Variants in BBS2 observed in about 807,000 individuals in gnomAD.
BBS2 encodes BBSome complex member BBS2.
Under a neutral mutation model 83.0 loss-of-function variants are expected in BBS2, and 62 were observed. The ratio of observed to expected loss-of-function variants is 0.75; its 90% CI spans 0.61 to 0.92. The LOEUF is 0.92. Ranked by LOEUF, BBS2 falls within the 40% of genes least tolerant of loss-of-function variation. The pLI is 0.00. For missense variants in BBS2, 784 were observed against 901.0 expected (o/e 0.87, Z 1.66); for synonymous variants, 303 against 326.1 (o/e 0.93, Z 0.76).
At chr16:56,486,745 ATTCT>A (rs1415368040) in intron 15 of BBS2, among the ~76,000 whole-genome samples, 1 of 134,534 alleles carries the variant, frequency 7.4e-6, no homozygotes, top group Non-Finnish European at 1.6e-5. Flanking sequence ...TGACAGAAAT[ATTCT>A]TTTTTTTTTT....
At chr16:56,474,798 A>G in intron 17 of BBS2, 1 of 1,584,616 alleles carries the variant, frequency 6.3e-7, no homozygotes, top group African/African-American at 1.4e-5. Flanking sequence ...GTTATTTTTT[A>G]AAGTTTCTCA....
intron 17 of BBS2, among the ~76,000 whole-genome samples, chr16:56,473,879 T>C (rs1445701006): frequency 2.6e-5 from 4 of 152,118 alleles, no homozygotes; most frequent in African/African-American, 9.7e-5. Flanking sequence ...TGATCTCAGC[T>C]CACTGCAACC....
At chr16:56,491,381 G>A (rs1053030822) in intron 15 of BBS2, among the ~76,000 whole-genome samples, 3 of 152,080 alleles carry the variant, frequency 2.0e-5, no homozygotes, top group Non-Finnish European at 2.9e-5. Flanking sequence ...TATAAAGTTA[G>A]GGCACCCCTC....
chr16:56,517,960 T>C (rs1306998221), intron 1 of BBS2, among the ~76,000 whole-genome samples: 1 of 151,912 alleles, frequency 6.6e-6, no homozygotes, highest in African/African-American at 2.4e-5. Flanking sequence ...GCTAGTATTA[T>C]AGGCACCTAC....
intron 7 of BBS2, among the ~76,000 whole-genome samples, chr16:56,504,125 A>G (rs1466941284): frequency 2.0e-5 from 3 of 152,204 alleles, no homozygotes; most frequent in Non-Finnish European, 4.4e-5. Context: ...TGTCTACAGT[A>G]TATCACTGTC....
chr16:56,479,790 C>T (rs1343144574), downstream of BBS2, among the ~76,000 whole-genome samples: 1 of 152,262 alleles, frequency 6.6e-6, no homozygotes, highest in African/African-American at 2.4e-5. Context: ...GCTCCACCTT[C>T]CCCTGGATGG....
At chr16:56,492,388 C>CA (rs1322660721) in intron 15 of BBS2, among the ~76,000 whole-genome samples, 1 of 152,128 alleles carries the variant, frequency 6.6e-6, no homozygotes, top group Admixed American at 6.5e-5. Flanking sequence ...GAGGATGTTA[C>CA]ACTGAGTGAA....
At chr16:56,491,725 CAA>C (rs773397021) in intron 15 of BBS2, among the ~76,000 whole-genome samples, 20 of 43,206 alleles carry the variant, frequency 4.6e-4, no homozygotes, top group East Asian at 3.2e-3. Context: ...AACTCAACAG[CAA>C]AAAAAAAAAA....
chr16:56,494,324 C>T (rs1056001035), intron 15 of BBS2, among the ~76,000 whole-genome samples: 29 of 151,670 alleles, frequency 1.9e-4, no homozygotes, highest in African/African-American at 7.0e-4. Context: ...ATCGAAGAGC[C>T]TATATTCATA....
At position 56,498,466 on chromosome 16, in the gene BBS2, G is replaced by C. The variant is rs1261284323; in HGVS notation, c.1630C>G (p.Leu544Val). 1 of 1,613,834 alleles carries C rather than the reference G, an allele frequency of 6.2e-7. No individual in the cohort carries two copies. Among genetic ancestry groups the C allele is most frequent in the Non-Finnish European group, 8.5e-7 (1 of 1,179,992 alleles). ...CCACTAAGTTTTATTTTTATATGCA[G>C]GTGGCCGCCATTCCGTAAAGATGTG... The part of the protein sequence containing the change: ...CFTSLRNGGH[L>V]HIKIKLSGEI... The change falls in exon 13 of 17, where the codon CTG (leucine) becomes GTG (valine). Residue 544 changes from leucine (L) to valine (V), a missense_variant. Leu to Val is a conservative substitution (Grantham distance 32). Coordinates refer to ENST00000245157, the MANE Select transcript of BBS2 (RefSeq NM_031885.5).
intron 15 of BBS2, among the ~76,000 whole-genome samples, chr16:56,491,719 C>A: frequency 3.5e-5 from 3 of 84,776 alleles, no homozygotes; most frequent in African/African-American, 4.6e-5. Context: ...TCCTACAACT[C>A]AACAGCAAAA....
chr16:56,502,209 G>T, intron 9 of BBS2, 108 bp downstream of exon 9: 1 of 1,471,478 alleles, frequency 6.8e-7, no homozygotes, highest in Non-Finnish European at 9.5e-7. Context: ...ATGGCAAAAA[G>T]GCCACACCCT....
intron 17 of BBS2, among the ~76,000 whole-genome samples, chr16:56,474,522 G>C (rs180987262): frequency 6.6e-6 from 1 of 151,294 alleles, no homozygotes; most frequent in African/African-American, 2.4e-5. Flanking sequence ...GTTTCTCCAT[G>C]TTGGTCAGGC....
rs1963255465 is a variant in BBS2, at chr16:56,472,737, AT to A, written c.*1-2043del. Among the ~76,000 whole-genome samples, 4 of 152,354 alleles carry A rather than the reference AT, an allele frequency of 2.6e-5. No homozygotes were observed. The South Asian group carries it at 8.3e-4, about 32-fold the overall frequency. On this transcript the variant is annotated intron_variant, in intron 17 of 17. Transcript: ENST00000682047. Reference sequence around the variant, plus strand: ...TATGTAGACATATACATGTATACACATATGGGGGGTATATTTTTACACATCT... The same window carrying A: ...TATGTAGACATATACATGTATACACAATGGGGGGTATATTTTTACACATCT...
At chr16:56,492,446 C>T (rs965599792) in intron 15 of BBS2, among the ~76,000 whole-genome samples, 3 of 152,030 alleles carry the variant, frequency 2.0e-5, no homozygotes, top group Admixed American at 2.0e-4. Context: ...CATGGAGTAT[C>T]TAAAATAGTC....
chr16:56,514,680 C>A lies in BBS2; in HGVS notation c.118G>T (p.Val40Phe), dbSNP rs886043059. The change falls in exon 2 of 17, where the codon GTT (valine) becomes TTT (phenylalanine). Residue 40 changes from valine to phenylalanine, a missense_variant and splice_region_variant. Physicochemically the swap from Val to Phe is conservative, Grantham distance 50. Coordinates refer to ENST00000245157, the MANE Select transcript of BBS2 (RefSeq NM_031885.5). ...CGTGTATGAGGATTATGAATAAAAA[C>A]CTGAAACAAAAATAACTAATTACAT... ...CLAAATQTGK[V>F]FIHNPHTRNQ... 19 of 1,609,324 alleles carry A rather than the reference C, an allele frequency of 1.2e-5. No homozygotes were observed. The highest frequency in any genetic ancestry group is 2.7e-5 in the African/African-American group (2 of 74,796).
chr16:56,475,936 T>G, intron 17 of BBS2: 1 of 1,000,232 alleles, frequency 1.0e-6, no homozygotes, highest in Non-Finnish European at 1.5e-6. Context: ...GACCCCTCTA[T>G]CCCCAGATTA....
At position 56,498,554 on chromosome 16, in the gene BBS2, G is replaced by C. The variant is rs374156464; in HGVS notation, c.1542C>G (p.Leu514=). Residue 514 remains leucine, a synonymous_variant, in exon 13 of 17, where the codon CTC becomes CTG. Coordinates refer to ENST00000245157, the MANE Select transcript of BBS2 (RefSeq NM_031885.5). The part of the protein sequence containing the change: ...AERAQRVVVW[L]GQNFLLPEDT... ...CTTCTGGTAACAGAAAGTTCTGACCGAGCCATACAACAACCTTGAAAATGA... is the reference window on the plus strand; with the variant it reads ...CTTCTGGTAACAGAAAGTTCTGACCCAGCCATACAACAACCTTGAAAATGA... The C allele has an allele frequency of 2.5e-6, 4 of 1,613,718 alleles. No homozygotes were observed. The highest frequency in any genetic ancestry group is 3.3e-5 in the Admixed American group (2 of 59,980).
intron 7 of BBS2, 49 bp downstream of exon 7, chr16:56,505,901 G>A (rs367595285): frequency 7.1e-7 from 1 of 1,413,880 alleles, no homozygotes; most frequent in African/African-American, 1.4e-5. Context: ...AATACACCTT[G>A]GACAATTACT....
Sources: gnomAD v4.1 joint callset for allele counts (sites outside exome capture counted in the v4.1 genomes callset) on GRCh38, gnomAD v4.1.1 for gene constraint, MANE v1.5 for transcripts, NCBI Gene and HGNC (gene_info 2026-07-23, HGNC 2026-07-21) for gene names.